The following TNS3 variants were observed in gnomAD, a reference collection of about 807,000 sequenced individuals.
TNS3 encodes tensin 3.
In TNS3, 45 loss-of-function variants were observed where a neutral mutation model predicts 140.9. The ratio of observed to expected loss-of-function variants is 0.32; its 90% CI spans 0.25 to 0.41. TNS3 has a LOEUF of 0.41. Among genes scored for constraint, TNS3 ranks in the 10% least tolerant of loss-of-function variants. The probability of loss-of-function intolerance (pLI) is 1.00; values close to 1 mark genes in which losing one functional copy is unlikely to be tolerated. For synonymous variants in TNS3, 815 were observed against 788.4 expected, an observed-to-expected ratio of 1.03 and a Z score of -0.56; for missense variants, 1,716 against 1,906.7, an observed-to-expected ratio of 0.90 and a Z score of 1.86.
intron 1 of TNS3, among the ~76,000 whole-genome samples, chr7:47,572,232 G>C (rs780751381): frequency 6.6e-6 from 1 of 152,224 alleles, no homozygotes. Flanking sequence ...CCTCCAGGGC[G>C]TTCTGAGAAG....
At chr7:47,468,185 CT>C (rs887671845) in intron 4 of TNS3, among the ~76,000 whole-genome samples, 3 of 152,106 alleles carry the variant, frequency 2.0e-5, no homozygotes, top group African/African-American at 7.2e-5. Context: ...GTGGCTCACA[CT>C]TGTAATCCCA....
chr7:47,302,381 C>T, intron 22 of TNS3, 109 bp from the exon 23 acceptor site: 9 of 865,776 alleles, frequency 1.0e-5, no homozygotes, highest in South Asian at 7.4e-5. Context: ...GGCAAGCAAG[C>T]GAGCGATGTT....
chr7:47,393,259 A>C (rs1419481225), intron 16 of TNS3, among the ~76,000 whole-genome samples: 1 of 152,214 alleles, frequency 6.6e-6, no homozygotes, highest in African/African-American at 2.4e-5. Flanking sequence ...AAAAATATTG[A>C]TACAAGCTTA....
intron 2 of TNS3, among the ~76,000 whole-genome samples, chr7:47,509,073 A>T (rs1319264505): frequency 2.0e-5 from 3 of 152,198 alleles, no homozygotes; most frequent in Non-Finnish European, 4.4e-5. Context: ...TTAAGGTACT[A>T]ACTTTGGGGA....
chr7:47,340,107 ATATATATATTTTTTT>A (rs1484295437), intron 20 of TNS3, among the ~76,000 whole-genome samples: 2 of 36,072 alleles, frequency 5.5e-5, no homozygotes, highest in African/African-American at 2.0e-4. Context: ...ATATATATAT[ATATATATATTTTTTT>A]TTTTTTTTTT....
chr7:47,414,041 G>C (rs755541119), intron 11 of TNS3, 44 bp from the exon 12 acceptor site: 95 of 1,597,538 alleles, frequency 5.9e-5, no homozygotes, highest in Non-Finnish European at 7.9e-5. Flanking sequence ...GACCGGTACA[G>C]AACGAACAGG....
chr7:47,306,375 T>C (rs1231535000), intron 20 of TNS3, among the ~76,000 whole-genome samples: 3 of 152,176 alleles, frequency 2.0e-5, no homozygotes, highest in Non-Finnish European at 4.4e-5. Flanking sequence ...ATTTGCACTA[T>C]CAATTCACAA....
chr7:47,516,347 T>C (rs550258045), intron 2 of TNS3, among the ~76,000 whole-genome samples: 1 of 152,242 alleles, frequency 6.6e-6, no homozygotes, highest in Non-Finnish European at 1.5e-5. Context: ...CAGGCTCCCA[T>C]CTACACTTGC....
intron 16 of TNS3, among the ~76,000 whole-genome samples, chr7:47,395,970 G>A (rs951355167): frequency 1.3e-5 from 2 of 152,190 alleles, no homozygotes; most frequent in Admixed American, 1.3e-4. Context: ...CCTTCCTGGA[G>A]TCATGGGAAG....
At chr7:47,353,705 G>A (rs1242961462) in intron 17 of TNS3, among the ~76,000 whole-genome samples, 3 of 152,110 alleles carry the variant, frequency 2.0e-5, no homozygotes, top group Non-Finnish European at 1.5e-5. Flanking sequence ...ACCTGAAGCA[G>A]TCTCTTCCTG....
chr7:47,530,838 A>AAATATATATATATATATAT, intron 1 of TNS3, among the ~76,000 whole-genome samples: 32 of 54,502 alleles, frequency 5.9e-4, no homozygotes, highest in South Asian at 8.9e-4. Flanking sequence ...AAAAAAAAAA[A>AAATATATATATATATATAT]ATATATATAT....
chr7:47,448,529 G>A (rs141731235), intron 4 of TNS3, among the ~76,000 whole-genome samples: 8,771 of 149,008 alleles, frequency 0.059, 335 homozygotes, highest in Non-Finnish European at 0.087. Context: ...ACCCAGGCTG[G>A]AATGGAGTGG....
chr7:47,510,860 T>TGA (rs372302376), intron 2 of TNS3, among the ~76,000 whole-genome samples: 1 of 128,322 alleles, frequency 7.8e-6, no homozygotes, highest in African/African-American at 2.9e-5. Flanking sequence ...AGACTGTCTT[T>TGA]AAAAAAAAAA....
At chr7:47,572,152 G>A (rs1158688009) in intron 1 of TNS3, among the ~76,000 whole-genome samples, 1 of 152,224 alleles carries the variant, frequency 6.6e-6, no homozygotes, top group East Asian at 1.9e-4. Flanking sequence ...TCTAAAAGAA[G>A]CAGCACTGAC....
chr7:47,321,690 T>C (rs1347001146), intron 20 of TNS3, among the ~76,000 whole-genome samples: 1 of 152,160 alleles, frequency 6.6e-6, no homozygotes, highest in East Asian at 1.9e-4. Flanking sequence ...TCCTGTCTCA[T>C]AGGAAATAAA....
At chr7:47,525,223 G>A (rs867630634) in intron 2 of TNS3, among the ~76,000 whole-genome samples, 1 of 152,110 alleles carries the variant, frequency 6.6e-6, no homozygotes, top group Non-Finnish European at 1.5e-5. Context: ...GACGCTCTAG[G>A]TGTCTCGCTG....
At chr7:47,447,134 C>A (rs1191399777) in intron 4 of TNS3, among the ~76,000 whole-genome samples, 1 of 150,200 alleles carries the variant, frequency 6.7e-6, no homozygotes, top group African/African-American at 2.4e-5. Context: ...GGATCAAACA[C>A]TTGGAGGTCA....
intron 16 of TNS3, among the ~76,000 whole-genome samples, chr7:47,381,500 A>G (rs1791757547): frequency 6.6e-6 from 1 of 152,138 alleles, no homozygotes; most frequent in South Asian, 2.1e-4. Flanking sequence ...TTACTCTTTA[A>G]ATGAACAGAA....
intron 1 of TNS3, among the ~76,000 whole-genome samples, chr7:47,571,262 C>T (rs1424859184): frequency 2.0e-5 from 3 of 152,220 alleles, no homozygotes; most frequent in Non-Finnish European, 2.9e-5. Context: ...CAGTGAGGTC[C>T]GTGCTATCAA....
Sources: gnomAD v4.1 joint callset for allele counts (sites outside exome capture counted in the v4.1 genomes callset) on GRCh38, gnomAD v4.1.1 for gene constraint, MANE v1.5 for transcripts, NCBI Gene and HGNC (gene_info 2026-07-23, HGNC 2026-07-21) for gene names.